Variants in RBFOX1 observed in about 807,000 individuals in gnomAD.
The protein encoded by RBFOX1 is RNA binding fox-1 homolog 1.
Under a neutral mutation model 57.7 loss-of-function variants are expected in RBFOX1, and 8 were observed. That is an observed-to-expected ratio of 0.14 (90% CI 0.08 to 0.25). The LOEUF (loss-of-function observed/expected upper bound fraction) is 0.25, where lower values mean the gene tolerates loss of function less well. Ranked by LOEUF, RBFOX1 falls within the 10% of genes least tolerant of loss-of-function variation. The pLI, the probability that RBFOX1 is intolerant of heterozygous loss-of-function variation, is 1.00. For synonymous variants in RBFOX1, 326 were observed against 222.4 expected (o/e 1.47, Z -4.15); for missense variants, 611 against 548.5 (o/e 1.11, Z -1.14).
intron 1 of RBFOX1, among the ~76,000 whole-genome samples, chr16:6,206,876 C>G (rs1362051251): frequency 1.3e-5 from 2 of 152,040 alleles, no homozygotes; most frequent in Non-Finnish European, 1.5e-5. Context: ...TTTATCTCCC[C>G]TTTTCTGATG....
At chr16:6,390,989 A>G (rs1350803837) in intron 2 of RBFOX1, among the ~76,000 whole-genome samples, 2 of 152,108 alleles carry the variant, frequency 1.3e-5, no homozygotes, top group East Asian at 1.9e-4. Context: ...TGTCCTGTGT[A>G]TAGTAAGATG....
chr16:6,129,390 C>T (rs928023710), intron 1 of RBFOX1, among the ~76,000 whole-genome samples: 3 of 152,038 alleles, frequency 2.0e-5, no homozygotes, highest in Non-Finnish European at 1.5e-5. Flanking sequence ...AAGCAAGGCA[C>T]TTGAACAGTT....
intron 4 of RBFOX1, among the ~76,000 whole-genome samples, chr16:5,895,835 G>T (rs1391470588): frequency 6.6e-6 from 1 of 152,156 alleles, no homozygotes; most frequent in Non-Finnish European, 1.5e-5. Context: ...ATTATAAACG[G>T]AAAGCGATGT....
At chr16:5,821,782 G>C (rs959077316) in intron 3 of RBFOX1, among the ~76,000 whole-genome samples, 8 of 152,150 alleles carry the variant, frequency 5.3e-5, no homozygotes, top group African/African-American at 1.9e-4. Flanking sequence ...TTTAGTGAGG[G>C]CTGCCCTCTT....
At chr16:7,697,575 T>G (rs1333102116) in intron 14 of RBFOX1, among the ~76,000 whole-genome samples, 1 of 152,224 alleles carries the variant, frequency 6.6e-6, no homozygotes, top group East Asian at 1.9e-4. Flanking sequence ...CATGTATATA[T>G]GTATCACAGT....
chr16:7,690,126 A>G (rs895137550), intron 14 of RBFOX1, among the ~76,000 whole-genome samples: 1 of 152,054 alleles, frequency 6.6e-6, no homozygotes, highest in African/African-American at 2.4e-5. Flanking sequence ...CAGCTGGGCC[A>G]CATATTAGAG....
chr16:7,223,653 T>C (rs1027756153), intron 4 of RBFOX1, among the ~76,000 whole-genome samples: 18 of 151,334 alleles, frequency 1.2e-4, no homozygotes, highest in Admixed American at 2.0e-4. Context: ...CAGTGTCTTA[T>C]GTTTCAGAAC....
At chr16:7,046,584 T>C (rs2048027383) in intron 3 of RBFOX1, among the ~76,000 whole-genome samples, 1 of 150,868 alleles carries the variant, frequency 6.6e-6, no homozygotes, top group Admixed American at 6.7e-5. Context: ...TCTTTGTTTC[T>C]GTAGTCTTTG....
intron 5 of RBFOX1, among the ~76,000 whole-genome samples, chr16:7,579,401 C>T (rs534204755): frequency 9.9e-5 from 15 of 152,190 alleles, no homozygotes; most frequent in East Asian, 3.9e-4. Flanking sequence ...ATGAGGTTCT[C>T]GCTCCCCACC....
chr16:6,103,416 T>C (rs2096338709), intron 1 of RBFOX1, among the ~76,000 whole-genome samples: 2 of 152,144 alleles, frequency 1.3e-5, no homozygotes, highest in Non-Finnish European at 2.9e-5. Flanking sequence ...GGTCACACAA[T>C]AATATTATAA....
intron 2 of RBFOX1, among the ~76,000 whole-genome samples, chr16:6,339,446 G>T (rs1279387796): frequency 6.6e-6 from 1 of 152,178 alleles, no homozygotes; most frequent in African/African-American, 2.4e-5. Flanking sequence ...TCTCCCGGAG[G>T]AGCTGAGGGC....
chr16:7,649,381 C>T (rs1182334260), intron 11 of RBFOX1, among the ~76,000 whole-genome samples: 2 of 152,204 alleles, frequency 1.3e-5, no homozygotes, highest in Non-Finnish European at 2.9e-5. Context: ...CTCCTAAAGT[C>T]TGGGTCTGTT....
At chr16:5,560,577 C>A (rs995511907) in intron 2 of RBFOX1, among the ~76,000 whole-genome samples, 1 of 152,222 alleles carries the variant, frequency 6.6e-6, no homozygotes, top group Non-Finnish European at 1.5e-5. Flanking sequence ...TGTACAAGGT[C>A]AAATGTGGTG....
At chr16:7,328,921 T>C (rs1002285563) in intron 4 of RBFOX1, 6 of 152,162 alleles carry the variant, frequency 3.9e-5, no homozygotes, top group African/African-American at 1.2e-4. Flanking sequence ...TTTTGTATAA[T>C]CTTCGAGGTA....
chr16:6,747,106 T>G (rs2073855898), intron 3 of RBFOX1, among the ~76,000 whole-genome samples: 1 of 152,018 alleles, frequency 6.6e-6, no homozygotes, highest in Non-Finnish European at 1.5e-5. Flanking sequence ...AAATGGGAGA[T>G]CCTTAAATTA....
intron 3 of RBFOX1, among the ~76,000 whole-genome samples, chr16:6,976,139 GA>G: frequency 1.2e-5 from 1 of 85,618 alleles, no homozygotes; most frequent in South Asian, 3.1e-4. Context: ...AAAGGAAAAA[GA>G]AACAAACAAA....
chr16:6,214,405 G>A (rs376410183), intron 1 of RBFOX1, among the ~76,000 whole-genome samples: 1 of 148,732 alleles, frequency 6.7e-6, no homozygotes, highest in Non-Finnish European at 1.5e-5. Context: ...GGGACAGGAA[G>A]AGAGGGAGTG....
intron 4 of RBFOX1, among the ~76,000 whole-genome samples, chr16:7,085,404 T>C (rs1173096238): frequency 2.0e-5 from 3 of 152,314 alleles, no homozygotes; most frequent in African/African-American, 7.2e-5. Context: ...TCTTGGTTTT[T>C]AAATATTGGC....
chr16:6,715,081 G>A (rs1444415333), intron 3 of RBFOX1, among the ~76,000 whole-genome samples: 2 of 152,166 alleles, frequency 1.3e-5, no homozygotes, highest in Non-Finnish European at 2.9e-5. Context: ...CCTAAAGTCT[G>A]TGTGCGGCAG....
Sources: gnomAD v4.1 joint callset for allele counts (sites outside exome capture counted in the v4.1 genomes callset) on GRCh38, gnomAD v4.1.1 for gene constraint, MANE v1.5 for transcripts, NCBI Gene and HGNC (gene_info 2026-07-23, HGNC 2026-07-21) for gene names.